Variants in FAT4 observed in about 807,000 individuals in gnomAD.
FAT4 encodes the protein protocadherin Fat 4.
A neutral mutation model predicts 303.9 loss-of-function variants in FAT4; 84 were observed. That is an observed-to-expected ratio of 0.28 (90% CI 0.23 to 0.33). The LOEUF (loss-of-function observed/expected upper bound fraction) is 0.33. FAT4 is among the 10% of genes least tolerant of loss of function. The pLI is 1.00. For synonymous variants in FAT4, 2,307 were observed against 2,298.8 expected (o/e 1.00, Z -0.10); for missense variants, 6,005 against 6,146.8 (o/e 0.98, Z 0.77).
At chr4:125,438,933 AC>A (rs1246577071) in intron 8 of FAT4, among the ~76,000 whole-genome samples, 1 of 152,104 alleles carries the variant, frequency 6.6e-6, no homozygotes, top group African/African-American at 2.4e-5. Context: ...AGGAGCATAA[AC>A]TTTTATGTGT....
At position 125,452,109 on chromosome 4, in the gene FAT4, G is replaced by A. The variant is rs779295329; in HGVS notation, c.11099G>A (p.Arg3700Gln). Residue 3700 changes from arginine to glutamine, a missense_variant, in exon 10 of 18, where the codon CGA (arginine) becomes CAA (glutamine). By Grantham distance (43) the Arg-to-Gln change is conservative. Transcript: ENST00000394329. ...GVHSTVTSNI[R>Q]VFFAGFSNAT... ...CACAGCACAGTCACGAGCAACATCC[G>A]AGTTTTCTTTGCTGGATTTTCCAAT... 1.4e-5 allele frequency: 22 copies of A among 1,614,040 alleles called. No homozygotes were observed. The highest frequency in any genetic ancestry group is 2.2e-5 in the East Asian group (1 of 44,884).
rs751086317 is a variant in FAT4, at chr4:125,491,386, A to G, written c.14570A>G (p.Tyr4857Cys). 6.2e-7 allele frequency: 1 copy of G among 1,614,182 alleles called. No homozygotes were observed. Among genetic ancestry groups the G allele is most frequent in the Non-Finnish European group, 8.5e-7 (1 of 1,180,014 alleles). The change falls in exon 18 of 18, where the codon TAT (tyrosine) becomes TGT (cysteine). Residue 4857 changes from tyrosine (Y) to cysteine (C), a missense_variant. Coordinates refer to ENST00000394329, the MANE Select transcript of FAT4 (RefSeq NM_001291303.3). ...HESFTCSEME[Y>C]DREKPMVYTS... ...TCTTTCACTTGCTCAGAAATGGAAT[A>G]TGACAGGGAGAAGCCAATGGTATAT...
intron 17 of FAT4, among the ~76,000 whole-genome samples, chr4:125,489,608 A>G (rs1727533531): frequency 6.6e-6 from 1 of 152,192 alleles, no homozygotes; most frequent in African/African-American, 2.4e-5. Context: ...AATGAGTAAG[A>G]AAAAGAAAAT....
rs374401618 is a variant in FAT4 at position 125,317,509 on chromosome 4, G to T, written c.1098G>T (p.Ser366=). 1.2e-6 allele frequency: 2 copies of T among 1,613,818 alleles called. No homozygotes were observed. Among genetic ancestry groups the T allele is most frequent in the Admixed American group, 1.7e-5 (1 of 60,038 alleles). Residue 366 remains serine (S), a synonymous_variant, in exon 2 of 18, where the codon TCG becomes TCT. Coordinates refer to ENST00000394329, the MANE Select transcript of FAT4 (RefSeq NM_001291303.3). The surrounding 1 kb of genome is among the most constrained non-coding windows in gnomAD (Gnocchi z 7.0). ...TCCCGGCCACCTCGCGCTACGCCTC[G>T]GTAGATGAGAATGCTCAAGTGGGCA... ...RYFPATSRYA[S]VDENAQVGTV... is the part of the protein sequence containing the mutation.
rs373654898 is a variant in FAT4 at position 125,406,875 on chromosome 4, T to C, written c.5308-5T>C. ...ATAGCTCAGATGCTTGGTCTCTTTT[T>C]TTAGGGTGCAAATGCTCTCGTCACA... On this transcript the variant is annotated splice_polypyrimidine_tract_variant and splice_region_variant and intron_variant, in intron 3 of 17. Transcript: ENST00000394329. 12 of 1,612,298 alleles carry C rather than the reference T, an allele frequency of 7.4e-6. No individual in the cohort carries two copies. In the African/African-American group the frequency reaches 1.2e-4, roughly 16 times the overall value.
At chr4:125,484,015 A>T (rs73846129) in intron 16 of FAT4, among the ~76,000 whole-genome samples, 3 of 49,844 alleles carry the variant, frequency 6.0e-5, no homozygotes, top group African/African-American at 7.5e-5. Context: ...TCTCTCTCTC[A>T]TTCTCTTTTC....
chr4:125,431,172 A>T, intron 7 of FAT4, among the ~76,000 whole-genome samples: 1 of 152,222 alleles, frequency 6.6e-6, no homozygotes, highest in East Asian at 1.9e-4. Context: ...GACACTTTAG[A>T]ATACCAAATA....
chr4:125,369,185 G>A (rs1052531109), intron 2 of FAT4, among the ~76,000 whole-genome samples: 2 of 152,160 alleles, frequency 1.3e-5, no homozygotes, highest in Non-Finnish European at 2.9e-5. Flanking sequence ...TAAGTGAGAT[G>A]CAGTTTCAGG....
chr4:125,345,145 G>T (rs1327588625), intron 2 of FAT4, among the ~76,000 whole-genome samples: 2 of 152,010 alleles, frequency 1.3e-5, no homozygotes, highest in Non-Finnish European at 2.9e-5. Flanking sequence ...ATTGTAGATG[G>T]TCAACGATTG....
Position 125,317,902 on chromosome 4 carries a change from A to G in FAT4, c.1491A>G (p.Ile497Met). 6.2e-7 allele frequency: 1 copy of G among 1,614,150 alleles called. No homozygotes were observed. The highest frequency in any genetic ancestry group is 8.5e-7 in the Non-Finnish European group (1 of 1,180,022). ...EAPPGSYVSG[I>M]SATDGDSGLN... ...CTCCGGGAAGCTATGTGAGTGGGAT[A>G]TCTGCCACTGATGGCGACTCTGGTC... is the stretch of plus-strand genomic sequence containing the variant. Residue 497 changes from isoleucine (I) to methionine (M), a missense_variant, in exon 2 of 18, where the codon ATA becomes ATG. Coordinates refer to ENST00000394329, the MANE Select transcript of FAT4 (RefSeq NM_001291303.3). The surrounding 1 kb of genome is among the most constrained non-coding windows in gnomAD (Gnocchi z 7.0).
At chr4:125,458,590 G>C (rs1181866595) in intron 10 of FAT4, among the ~76,000 whole-genome samples, 4 of 151,888 alleles carry the variant, frequency 2.6e-5, no homozygotes, top group Non-Finnish European at 5.9e-5. Flanking sequence ...GAATTAGGCA[G>C]TTTACATTAG....
At chr4:125,396,903 T>C (rs1734198854) in intron 2 of FAT4, among the ~76,000 whole-genome samples, 1 of 139,652 alleles carries the variant, frequency 7.2e-6, no homozygotes, top group Non-Finnish European at 1.5e-5. Context: ...ATTCATTACA[T>C]ATATGTATGT....
chr4:125,449,683 C>T lies in FAT4; in HGVS notation c.8673C>T (p.Ser2891=). 6.2e-7 allele frequency: 1 copy of T among 1,613,848 alleles called. No homozygotes were observed. The highest frequency in any genetic ancestry group is 8.5e-7 in the Non-Finnish European group (1 of 1,179,914). The change falls in exon 10 of 18, where the codon TCC becomes TCT. Residue 2891 remains serine, a synonymous_variant. Coordinates refer to ENST00000394329, the MANE Select transcript of FAT4 (RefSeq NM_001291303.3). ...GCCCTGAACTTACTGAGATTGGCTC[C>T]AAAGTAACTCAGGTATTTGCAACAG... ...LDCPELTEIG[S]KVTQVFATDP... is the part of the protein sequence containing the mutation.
intron 2 of FAT4, among the ~76,000 whole-genome samples, chr4:125,325,517 C>T (rs1731117295): frequency 6.6e-6 from 1 of 152,160 alleles, no homozygotes; most frequent in Admixed American, 6.6e-5. Context: ...AACAGTTGCT[C>T]TTTCGAGTAA....
At chr4:125,457,781 A>G (rs1469794315) in intron 10 of FAT4, among the ~76,000 whole-genome samples, 1 of 152,118 alleles carries the variant, frequency 6.6e-6, no homozygotes, top group Non-Finnish European at 1.5e-5. Flanking sequence ...AGTTGTCAGT[A>G]TGCCTCAGTG....
chr4:125,442,640 A>T (rs1725698048), intron 8 of FAT4, among the ~76,000 whole-genome samples: 1 of 152,162 alleles, frequency 6.6e-6, no homozygotes, highest in Non-Finnish European at 1.5e-5. Flanking sequence ...TATATGAGGT[A>T]TATGAAACAT....
At chr4:125,473,156 T>C (rs1726920761) in intron 12 of FAT4, among the ~76,000 whole-genome samples, 1 of 152,156 alleles carries the variant, frequency 6.6e-6, no homozygotes, top group Non-Finnish European at 1.5e-5. Flanking sequence ...AAGGTTAATA[T>C]TAATCATAAT....
At chr4:125,364,109 G>A (rs544262957) in intron 2 of FAT4, among the ~76,000 whole-genome samples, 1 of 150,528 alleles carries the variant, frequency 6.6e-6, no homozygotes, top group Non-Finnish European at 1.5e-5. Flanking sequence ...TTACTTTTGT[G>A]GATGTTCCTA....
At chr4:125,468,374 G>T (rs1726739564) in intron 11 of FAT4, 138 bp from the exon 12 acceptor site, 1 of 511,114 alleles carries the variant, frequency 2.0e-6, no homozygotes, top group Non-Finnish European at 3.2e-6. Context: ...TTTAATTTTA[G>T]TTTAGATGAA....
Sources: allele counts gnomAD v4.1 joint callset (sites outside exome capture counted in the v4.1 genomes callset), GRCh38; gene constraint gnomAD v4.1.1; non-coding constraint Gnocchi (gnomAD v3.1); transcripts MANE v1.5; gene names NCBI Gene and HGNC (gene_info 2026-07-23, HGNC 2026-07-21).